The following NIBAN2 variants were observed in gnomAD, a reference collection of about 807,000 sequenced individuals.
NIBAN2 encodes the protein niban apoptosis regulator 2.
In NIBAN2, 36 loss-of-function variants were observed where a neutral mutation model predicts 81.8. The ratio of observed to expected loss-of-function variants is 0.44; its 90% CI spans 0.34 to 0.58. The LOEUF (loss-of-function observed/expected upper bound fraction) is 0.58, where lower values mean the gene tolerates loss of function less well. Among genes scored for constraint, NIBAN2 ranks in the 20% least tolerant of loss-of-function variants. The pLI, the probability that NIBAN2 is intolerant of heterozygous loss-of-function variation, is 0.02. For missense variants in NIBAN2, 897 were observed against 1,014.1 expected (o/e 0.88, Z 1.57); for synonymous variants, 445 against 441.6 (o/e 1.01, Z -0.10).
chr9:127,560,362 G>A (rs891923010), intron 1 of NIBAN2, among the ~76,000 whole-genome samples: 2 of 152,008 alleles, frequency 1.3e-5, no homozygotes, highest in Non-Finnish European at 2.9e-5. Context: ...CACACACGCA[G>A]GTCCAGTCCC....
At chr9:127,569,204 C>T, upstream of NIBAN2, 3 of 540,334 alleles carry the variant, frequency 5.6e-6, no homozygotes, top group African/African-American at 2.3e-5. Context: ...CCGCCCCGCC[C>T]CGCCCCGCCC....
intron 1 of NIBAN2, among the ~76,000 whole-genome samples, chr9:127,554,980 A>C (rs1242245480): frequency 6.6e-6 from 1 of 152,226 alleles, no homozygotes; most frequent in African/African-American, 2.4e-5. Context: ...TAAAAAAATT[A>C]AAATAATCCA....
intron 3 of NIBAN2, 103 bp downstream of exon 3, chr9:127,527,091 G>T: frequency 6.9e-7 from 1 of 1,448,370 alleles, no homozygotes; most frequent in Non-Finnish European, 9.5e-7. Context: ...ACCGCGTGCA[G>T]GCTGTGACGG....
intron 8 of NIBAN2, among the ~76,000 whole-genome samples, chr9:127,511,769 A>C (rs538409343): frequency 6.6e-6 from 1 of 152,352 alleles, no homozygotes; most frequent in African/African-American, 2.4e-5. Flanking sequence ...ATTTGAATAC[A>C]TATTTCCCCA....
intron 2 of NIBAN2, 22 bp from the exon 3 acceptor site, chr9:127,527,344 G>A (rs751351970): frequency 1.2e-6 from 2 of 1,609,484 alleles, no homozygotes; most frequent in African/African-American, 2.7e-5. Context: ...AGCGGGTGGG[G>A]AGTGAGGCCC....
intron 1 of NIBAN2, among the ~76,000 whole-genome samples, chr9:127,576,421 G>A (rs549069064): frequency 6.6e-6 from 1 of 152,222 alleles, no homozygotes; most frequent in Non-Finnish European, 1.5e-5. Context: ...TCAGGCAGGG[G>A]GCCGCTGAAG....
chr9:127,578,080 A>G (rs1838029766), intron 1 of NIBAN2, among the ~76,000 whole-genome samples: 1 of 151,458 alleles, frequency 6.6e-6, no homozygotes, highest in South Asian at 2.1e-4. Context: ...AATCCCATCT[A>G]CTTGGGAGGC....
upstream of NIBAN2, among the ~76,000 whole-genome samples, chr9:127,573,956 C>G (rs762721820): frequency 6.6e-6 from 1 of 152,152 alleles, no homozygotes; most frequent in Non-Finnish European, 1.5e-5. Context: ...CCGTACCCAG[C>G]CTGGCCATTT....
intron 8 of NIBAN2, among the ~76,000 whole-genome samples, chr9:127,514,272 A>G (rs1392279374): frequency 6.7e-6 from 1 of 149,744 alleles, no homozygotes; most frequent in African/African-American, 2.4e-5. Context: ...TCTGTGTCCA[A>G]AAAAAAAAAA....
chr9:127,509,238 C>A, intron 9 of NIBAN2, 107 bp from the exon 10 acceptor site: 1 of 1,153,998 alleles, frequency 8.7e-7, no homozygotes. Flanking sequence ...GGGGCTGGCG[C>A]CTGCTACCAG....
chr9:127,554,505 C>T (rs954388276), intron 1 of NIBAN2, among the ~76,000 whole-genome samples: 14 of 151,624 alleles, frequency 9.2e-5, no homozygotes, highest in Non-Finnish European at 1.8e-4. Flanking sequence ...CAAATTGTTC[C>T]ACTAAATACA....
intron 1 of NIBAN2, among the ~76,000 whole-genome samples, chr9:127,537,569 G>A (rs1481963727): frequency 6.6e-6 from 1 of 152,188 alleles, no homozygotes; most frequent in Non-Finnish European, 1.5e-5. Flanking sequence ...TTGATGGGGG[G>A]TCCTGCCTAA....
At chr9:127,543,491 G>A (rs917028572) in intron 1 of NIBAN2, among the ~76,000 whole-genome samples, 3 of 152,190 alleles carry the variant, frequency 2.0e-5, no homozygotes, top group African/African-American at 7.2e-5. Context: ...ATGGTTGCAT[G>A]AAGCACTTTG....
At chr9:127,526,347 C>G (rs1837062480) in intron 3 of NIBAN2, among the ~76,000 whole-genome samples, 2 of 140,336 alleles carry the variant, frequency 1.4e-5, no homozygotes, top group African/African-American at 5.3e-5. Flanking sequence ...TTGCAGTGAG[C>G]TGAGATGGCG....
chr9:127,572,444 CAAAT>C (rs936398571), upstream of NIBAN2, among the ~76,000 whole-genome samples: 3 of 152,124 alleles, frequency 2.0e-5, no homozygotes, highest in African/African-American at 4.8e-5. Context: ...AAAAATACAA[CAAAT>C]AAATAAAATG....
intron 1 of NIBAN2, among the ~76,000 whole-genome samples, chr9:127,564,639 G>A (rs1837827205): frequency 6.6e-6 from 1 of 152,136 alleles, no homozygotes; most frequent in Non-Finnish European, 1.5e-5. Flanking sequence ...TTGGGAGGTC[G>A]AGGTGGGTGG....
chr9:127,549,705 C>T (rs1837541621), intron 1 of NIBAN2, among the ~76,000 whole-genome samples: 1 of 152,156 alleles, frequency 6.6e-6, no homozygotes, highest in Non-Finnish European at 1.5e-5. Context: ...TGCTGCTGGG[C>T]CAGAGGAAAC....
At chr9:127,555,559 C>T (rs1212679293) in intron 1 of NIBAN2, among the ~76,000 whole-genome samples, 1 of 152,168 alleles carries the variant, frequency 6.6e-6, no homozygotes, top group African/African-American at 2.4e-5. Flanking sequence ...CGTCTGTAAT[C>T]CCAGCACTTT....
At chr9:127,538,600 C>A (rs1275299018) in intron 1 of NIBAN2, among the ~76,000 whole-genome samples, 1 of 150,608 alleles carries the variant, frequency 6.6e-6, no homozygotes, top group African/African-American at 2.5e-5. Flanking sequence ...GCATTCCAAC[C>A]TGGGAGACAC....
Sources: gnomAD v4.1 joint callset for allele counts (sites outside exome capture counted in the v4.1 genomes callset) on GRCh38, gnomAD v4.1.1 for gene constraint, MANE v1.5 for transcripts, NCBI Gene and HGNC (gene_info 2026-07-23, HGNC 2026-07-21) for gene names.